Variants in RBPJ observed in about 807,000 individuals in gnomAD.
RBPJ encodes the protein recombining binding protein suppressor of hairless.
Under a neutral mutation model 67.8 loss-of-function variants are expected in RBPJ, and 9 were observed. That is an observed-to-expected ratio of 0.13 (90% confidence interval 0.08 to 0.23). RBPJ has a LOEUF of 0.23. RBPJ is among the 10% of genes least tolerant of loss of function. The probability of loss-of-function intolerance (pLI) is 1.00; values close to 1 mark genes in which losing one functional copy is unlikely to be tolerated. For synonymous variants in RBPJ, 198 were observed against 203.3 expected (o/e 0.97, Z 0.22); for missense variants, 305 against 595.6 (o/e 0.51, Z 5.08).
intron 1 of RBPJ, among the ~76,000 whole-genome samples, chr4:26,335,343 G>C (rs981060017): frequency 2.6e-5 from 4 of 151,612 alleles, no homozygotes; most frequent in Non-Finnish European, 2.9e-5. Context: ...CACCACGCCC[G>C]GCTGATTTTT....
chr4:26,144,267 CTTTT>C, the RBPJ span, among the ~76,000 whole-genome samples: 1 of 106,060 alleles, frequency 9.4e-6, no homozygotes, highest in Non-Finnish European at 1.7e-5. Flanking sequence ...TAAGAAAATT[CTTTT>C]TTTTTTTTTT....
intron 1 of RBPJ, among the ~76,000 whole-genome samples, chr4:26,330,749 A>G (rs1724152829): frequency 6.6e-6 from 1 of 152,156 alleles, no homozygotes; most frequent in African/African-American, 2.4e-5. Flanking sequence ...AAAGGAAGAT[A>G]TTGTGAGGAT....
chr4:26,234,576 T>G (rs146297610), intron 1 of RBPJ, among the ~76,000 whole-genome samples: 14 of 152,316 alleles, frequency 9.2e-5, no homozygotes, highest in African/African-American at 3.4e-4. Context: ...TCTATATAAA[T>G]TGTACCAGTC....
At chr4:26,343,783 T>C (rs1344526769) in intron 1 of RBPJ, among the ~76,000 whole-genome samples, 1 of 140,484 alleles carries the variant, frequency 7.1e-6, no homozygotes, top group Non-Finnish European at 1.5e-5. Context: ...GGAGGTTTGC[T>C]CTTCTTGCCC....
intron 1 of RBPJ, among the ~76,000 whole-genome samples, chr4:26,210,890 G>A (rs976914265): frequency 3.3e-4 from 50 of 151,542 alleles, no homozygotes; most frequent in African/African-American, 1.2e-3. Context: ...GAGCCTGGAT[G>A]AAAGCTTTTT....
At chr4:26,111,128 C>T in the RBPJ span, among the ~76,000 whole-genome samples, 1 of 152,122 alleles carries the variant, frequency 6.6e-6, no homozygotes, top group Non-Finnish European at 1.5e-5. Context: ...GGTTCACTAT[C>T]GTCAACATGC....
At chr4:26,253,416 A>C (rs971615896) in intron 1 of RBPJ, among the ~76,000 whole-genome samples, 2 of 138,802 alleles carry the variant, frequency 1.4e-5, no homozygotes, top group Admixed American at 1.5e-4. Context: ...GGTTCACGCC[A>C]TTCTCCTAGC....
At chr4:26,415,690 T>C in intron 4 of RBPJ, 50 bp downstream of exon 4, 1 of 1,498,918 alleles carries the variant, frequency 6.7e-7, no homozygotes, top group Non-Finnish European at 9.0e-7. Flanking sequence ...GGTACCAGAA[T>C]GTAGTTTTCA....
the RBPJ span, among the ~76,000 whole-genome samples, chr4:26,127,032 G>A: frequency 2.4e-4 from 37 of 152,312 alleles, no homozygotes; most frequent in African/African-American, 8.4e-4. Flanking sequence ...TCACTCTGAA[G>A]CTGAGATAGC....
intron 1 of RBPJ, among the ~76,000 whole-genome samples, chr4:26,354,316 T>C (rs12643747): frequency 0.55 from 83,945 of 151,954 alleles, 23,382 homozygotes; most frequent in Admixed American, 0.65. Flanking sequence ...TTTTATATCC[T>C]GATTTTATTT....
chr4:26,306,841 A>G (rs1158288372), intron 1 of RBPJ, among the ~76,000 whole-genome samples: 1 of 152,106 alleles, frequency 6.6e-6, no homozygotes, highest in African/African-American at 2.4e-5. Context: ...TCAGCCACTC[A>G]CTGTTACTTG....
chr4:26,198,740 G>A (rs1258167579), intron 1 of RBPJ, among the ~76,000 whole-genome samples: 6 of 152,184 alleles, frequency 3.9e-5, no homozygotes, highest in Admixed American at 3.9e-4. Flanking sequence ...AGCCTCTAGA[G>A]TTTGAGTTTT....
Position 26,215,398 on chromosome 4 carries a change from GA to G in RBPJ, c.-167+51786del, listed in dbSNP as rs1277946334. On this transcript the variant is annotated intron_variant, in intron 1 of 4. Transcript: ENST00000512351. ...AGAAGGGAGGGAGGGAGAGAGGAAG[GA>G]AGGGGGGGGAAGGAAGGAAGGGAGG... is the stretch of plus-strand genomic sequence containing the variant. Among the ~76,000 whole-genome samples, 38 of 52,496 alleles carry G rather than the reference GA, an allele frequency of 7.2e-4. No individual in the cohort carries two copies. In the South Asian group the frequency reaches 0.015, roughly 21 times the overall value. 34.4% of individuals were successfully genotyped at this position (52,496 alleles called of 152,430 possible).
At chr4:26,116,429 A>G in the RBPJ span, among the ~76,000 whole-genome samples, 2 of 152,238 alleles carry the variant, frequency 1.3e-5, no homozygotes, top group Admixed American at 6.5e-5. Context: ...CAGCATGTTC[A>G]CACACTATTT....
At chr4:26,306,183 T>A (rs1210858241) in intron 1 of RBPJ, among the ~76,000 whole-genome samples, 1 of 152,114 alleles carries the variant, frequency 6.6e-6, no homozygotes, top group Non-Finnish European at 1.5e-5. Flanking sequence ...CAATCTGATG[T>A]CTTTTACTTC....
At chr4:26,246,317 T>C (rs1439019567) in intron 1 of RBPJ, among the ~76,000 whole-genome samples, 1 of 152,238 alleles carries the variant, frequency 6.6e-6, no homozygotes, top group African/African-American at 2.4e-5. Context: ...TTATTCTTTT[T>C]GATGCTGTCA....
At chr4:26,335,176 CTTA>C (rs766415162) in intron 1 of RBPJ, among the ~76,000 whole-genome samples, 4 of 151,756 alleles carry the variant, frequency 2.6e-5, no homozygotes, top group African/African-American at 4.8e-5. Context: ...TTCTTATTTT[CTTA>C]TTATTATTAT....
intron 1 of RBPJ, among the ~76,000 whole-genome samples, chr4:26,240,693 G>A (rs1383272961): frequency 6.6e-6 from 1 of 152,126 alleles, no homozygotes; most frequent in African/African-American, 2.4e-5. Flanking sequence ...TGCATTCCAG[G>A]TTTAATGTTA....
rs187027906 is a variant in RBPJ at position 26,381,740 on chromosome 4, A to G, written c.21-4613A>G. Among the ~76,000 whole-genome samples, 29 of 152,334 alleles carry G rather than the reference A, an allele frequency of 1.9e-4. 1 individual carries two copies. The highest frequency in any genetic ancestry group is 1.8e-3 in the Admixed American group (27 of 15,308). The stretch of plus-strand genomic sequence containing the variant: ...ATACAGAACATAGAGCAAGAAGGAA[A>G]GGGCATTTTACAAATCAACTATATC... On this transcript the variant is annotated intron_variant, in intron 1 of 10. Transcript: ENST00000355476.
Sources: gnomAD v4.1 joint callset for allele counts (sites outside exome capture counted in the v4.1 genomes callset) on GRCh38, gnomAD v4.1.1 for gene constraint, MANE v1.5 for transcripts, NCBI Gene and HGNC (gene_info 2026-07-23, HGNC 2026-07-21) for gene names.